The following PIK3C3 variants were observed in gnomAD, a reference collection of about 807,000 sequenced individuals.
The protein encoded by PIK3C3 is phosphatidylinositol 3-kinase catalytic subunit type 3.
PIK3C3 carries 95 observed loss-of-function variants against 126.1 expected under a neutral mutation model. The ratio of observed to expected loss-of-function variants is 0.75; its 90% CI spans 0.64 to 0.89. The LOEUF is 0.89. Ranked by LOEUF, PIK3C3 falls within the 40% of genes least tolerant of loss-of-function variation. The probability of loss-of-function intolerance (pLI) is 0.00; values close to 1 mark genes in which losing one functional copy is unlikely to be tolerated. For synonymous variants in PIK3C3, 374 were observed against 360.0 expected, an observed-to-expected ratio of 1.04 and a Z score of -0.44; for missense variants, 829 against 1,063.2, an observed-to-expected ratio of 0.78 and a Z score of 3.06.
chr18:42,059,191 A>G (rs751956710), intron 22 of PIK3C3, among the ~76,000 whole-genome samples: 5 of 152,230 alleles, frequency 3.3e-5, no homozygotes, highest in Non-Finnish European at 5.9e-5. Context: ...TGCACTGACT[A>G]GGTCTTCATT....
At chr18:42,065,636 T>C (rs1985504421) in intron 23 of PIK3C3, among the ~76,000 whole-genome samples, 1 of 152,194 alleles carries the variant, frequency 6.6e-6, no homozygotes, top group South Asian at 2.1e-4. Context: ...TTCTCATATG[T>C]CTCCATTCCT....
chr18:41,970,031 C>A (rs191739934), intron 3 of PIK3C3, among the ~76,000 whole-genome samples: 64 of 152,252 alleles, frequency 4.2e-4, no homozygotes, highest in African/African-American at 1.5e-3. Context: ...TAGATCTTCA[C>A]CAAAGTGATG....
chr18:41,997,593 CAGAG>C, intron 9 of PIK3C3, among the ~76,000 whole-genome samples: 1 of 152,204 alleles, frequency 6.6e-6, no homozygotes, highest in South Asian at 2.1e-4. Flanking sequence ...AATCTTAAAA[CAGAG>C]AGCCAAGGGG....
chr18:42,021,188 T>A (rs1983305402), intron 13 of PIK3C3, among the ~76,000 whole-genome samples: 1 of 152,204 alleles, frequency 6.6e-6, no homozygotes, highest in African/African-American at 2.4e-5. Flanking sequence ...TATCTACTGC[T>A]TTGCCATTTT....
chr18:42,078,864 T>G (rs1009045102), intron 24 of PIK3C3, among the ~76,000 whole-genome samples: 1 of 152,192 alleles, frequency 6.6e-6, no homozygotes, highest in African/African-American at 2.4e-5. Flanking sequence ...TGCAACTTCC[T>G]CATCTTTCTC....
chr18:41,996,044 G>T, intron 8 of PIK3C3, 50 bp downstream of exon 8: 1 of 1,189,014 alleles, frequency 8.4e-7, no homozygotes, highest in South Asian at 1.3e-5. Flanking sequence ...TGGGTGTTCT[G>T]GTTGAAACTG....
rs1352183014 is a variant in PIK3C3, at chr18:41,990,707, CAT to C, written c.714+157_714+158del. The C allele has an allele frequency of 1.2e-5, 7 of 562,706 alleles. No homozygotes were observed. In the East Asian group the frequency reaches 2.0e-4, roughly 16 times the overall value. The allele number at this position is 562,706 out of a possible 1,614,324, so 34.9% of individuals were successfully genotyped here. A position where few individuals can be genotyped will look rare whatever the true frequency, so the allele number is the denominator to read the frequency against. On this transcript the variant is annotated intron_variant, in intron 6 of 24. Transcript: ENST00000262039. ...CTGTTTATGTATACAGAAATCAAAT[CAT>C]ATAACTACAACAAGATTACAAAAGC...
intron 3 of PIK3C3, among the ~76,000 whole-genome samples, chr18:41,966,089 C>T (rs778349543): frequency 6.6e-6 from 1 of 151,710 alleles, no homozygotes; most frequent in East Asian, 1.9e-4. Flanking sequence ...GTGAAATTAT[C>T]TCACTTAGAG....
chr18:42,043,031 A>G (rs1984393937), intron 19 of PIK3C3, among the ~76,000 whole-genome samples: 1 of 151,908 alleles, frequency 6.6e-6, no homozygotes, highest in Admixed American at 6.6e-5. Flanking sequence ...GTTTTTAAAT[A>G]TATATTCCAG....
chr18:41,975,094 A>T (rs1306565256), intron 4 of PIK3C3, among the ~76,000 whole-genome samples: 1 of 152,204 alleles, frequency 6.6e-6, no homozygotes, highest in Non-Finnish European at 1.5e-5. Context: ...ACACTGTTGC[A>T]GGGAAGATGT....
intron 19 of PIK3C3, among the ~76,000 whole-genome samples, chr18:42,043,044 G>A (rs1189208443): frequency 6.6e-6 from 1 of 151,704 alleles, no homozygotes; most frequent in Non-Finnish European, 1.5e-5. Context: ...TATTCCAGAT[G>A]CAAATCCTTT....
At chr18:41,993,443 C>G (rs1177007240) in intron 7 of PIK3C3, 102 bp downstream of exon 7, 2 of 689,506 alleles carry the variant, frequency 2.9e-6, no homozygotes, top group Non-Finnish European at 5.1e-6. Context: ...ATATAACTGC[C>G]TCCGTTACCT....
chr18:42,027,599 A>G, intron 14 of PIK3C3, 51 bp downstream of exon 14: 2 of 1,003,092 alleles, frequency 2.0e-6, no homozygotes, highest in Non-Finnish European at 3.1e-6. Flanking sequence ...GGCCAAATTC[A>G]GCCTGTTGCC....
chr18:41,973,163 G>A (rs1265874636), intron 4 of PIK3C3, among the ~76,000 whole-genome samples: 1 of 152,096 alleles, frequency 6.6e-6, no homozygotes, highest in Non-Finnish European at 1.5e-5. Context: ...GAATAAAATT[G>A]TGATTATTAA....
At chr18:41,969,646 G>T (rs1980554493) in intron 3 of PIK3C3, among the ~76,000 whole-genome samples, 1 of 152,208 alleles carries the variant, frequency 6.6e-6, no homozygotes, top group Non-Finnish European at 1.5e-5. Context: ...TTATGGAAAA[G>T]AAAGGAGAAA....
chr18:42,001,844 A>G (rs1982306910), intron 9 of PIK3C3, among the ~76,000 whole-genome samples: 1 of 152,218 alleles, frequency 6.6e-6, no homozygotes. Flanking sequence ...TGAAATGGAA[A>G]AGCTTTCACT....
chr18:41,992,754 A>C (rs183156324), intron 6 of PIK3C3, among the ~76,000 whole-genome samples: 1 of 152,230 alleles, frequency 6.6e-6, no homozygotes, highest in East Asian at 1.9e-4. Flanking sequence ...AACGTTGTTG[A>C]TTCTCTAGCT....
At chr18:42,025,397 A>G (rs1218730706) in intron 13 of PIK3C3, 1 of 152,220 alleles carries the variant, frequency 6.6e-6, no homozygotes, top group Non-Finnish European at 1.5e-5. Context: ...TCGGCTTTAG[A>G]TTCATGGACC....
chr18:42,035,701 AAGTGATGGATTATGCACT>A (rs1984019213), intron 16 of PIK3C3, among the ~76,000 whole-genome samples: 1 of 152,052 alleles, frequency 6.6e-6, no homozygotes. Context: ...AATCTGATGA[AAGTGATGGATTATGCACT>A]TCAGAAAATT....
Sources: gnomAD v4.1 joint callset for allele counts (sites outside exome capture counted in the v4.1 genomes callset) on GRCh38, gnomAD v4.1.1 for gene constraint, MANE v1.5 for transcripts, NCBI Gene and HGNC (gene_info 2026-07-23, HGNC 2026-07-21) for gene names.